The following GALNT17 variants were observed in gnomAD, a reference collection of about 807,000 sequenced individuals.
GALNT17 encodes the protein polypeptide N-acetylgalactosaminyltransferase 17, also known as UDP-GalNAc:polypeptide N-acetylgalactosaminyltransferase-like 3.
A neutral mutation model predicts 63.7 loss-of-function variants in GALNT17; 29 were observed. The ratio of observed to expected loss-of-function variants is 0.46; its 90% confidence interval spans 0.34 to 0.62. The LOEUF (loss-of-function observed/expected upper bound fraction) is 0.62. GALNT17 is among the 20% of genes least tolerant of loss of function. The pLI is 0.01. For synonymous variants in GALNT17, 305 were observed against 318.3 expected (o/e 0.96, Z 0.45); for missense variants, 603 against 799.6 (o/e 0.75, Z 2.97).
intron 1 of GALNT17, among the ~76,000 whole-genome samples, chr7:71,167,864 T>G (rs537223108): frequency 1.9e-4 from 29 of 152,052 alleles, no homozygotes; most frequent in African/African-American, 6.5e-4. Flanking sequence ...TAATTTTTGT[T>G]TTTCCGTGTT....
rs770747325 is a variant in GALNT17 at position 71,571,288 on chromosome 7, C to A, written c.966C>A (p.Thr322=). ...CCCTTCTTTCTCCCTCCCTCAGGAC[C>A]CCAGCCATGATAGGCTGCTCGTTCG... ...DAGDPSLPIR[T]PAMIGCSFVV... is the part of the protein sequence containing the mutation. The change falls in exon 6 of 11, where the codon ACC becomes ACA. Residue 322 remains threonine, a synonymous_variant. Coordinates refer to ENST00000333538, the MANE Select transcript of GALNT17 (RefSeq NM_022479.3). The A allele has an allele frequency of 7.4e-6, 12 of 1,613,794 alleles. No homozygotes were observed. The highest frequency in any genetic ancestry group is 9.3e-6 in the Non-Finnish European group (11 of 1,179,840).
At chr7:71,688,406 T>C (rs1228582252) in intron 9 of GALNT17, among the ~76,000 whole-genome samples, 1 of 152,150 alleles carries the variant, frequency 6.6e-6, no homozygotes, top group African/African-American at 2.4e-5. Flanking sequence ...TTTGCAGACC[T>C]CCATGCAATG....
intron 6 of GALNT17, among the ~76,000 whole-genome samples, chr7:71,603,070 T>C (rs1196670091): frequency 6.6e-6 from 1 of 152,124 alleles, no homozygotes; most frequent in Non-Finnish European, 1.5e-5. Flanking sequence ...GATACTATGC[T>C]AAGTGCATAC....
chr7:71,143,282 T>C (rs142979114), intron 1 of GALNT17, among the ~76,000 whole-genome samples: 6,878 of 150,132 alleles, frequency 0.046, 518 homozygotes, highest in African/African-American at 0.15. Flanking sequence ...ATTAGCCGGG[T>C]GTGGTGGCGG....
rs570203324 is a variant in GALNT17, at chr7:71,484,216, G to A, written c.962+63111G>A. ...AAGTATTATATACCGGGCCAGATGC[G>A]GTGGCTCATGCCTATAATCCCAACA... On this transcript the variant is annotated intron_variant, in intron 5 of 10. Transcript: ENST00000333538. Among the ~76,000 whole-genome samples, 38 of 152,254 alleles carry A rather than the reference G, an allele frequency of 2.5e-4. No individual in the cohort carries two copies. In the South Asian group the frequency reaches 5.6e-3, roughly 22 times the overall value.
At chr7:71,324,029 C>T (rs1583861630) in intron 1 of GALNT17, among the ~76,000 whole-genome samples, 1 of 152,108 alleles carries the variant, frequency 6.6e-6, no homozygotes. Context: ...GGCAGTGGTC[C>T]TGAAGGGCAG....
intron 6 of GALNT17, among the ~76,000 whole-genome samples, chr7:71,595,189 G>C (rs944707552): frequency 2.0e-5 from 3 of 152,134 alleles, no homozygotes; most frequent in Non-Finnish European, 4.4e-5. Flanking sequence ...TAGGAAGCCG[G>C]GACCTGAGAA....
rs142834242 is a variant in GALNT17 at position 71,443,350 on chromosome 7, A to G, written c.962+22245A>G. Among the ~76,000 whole-genome samples, 153 of 152,094 alleles carry G rather than the reference A, an allele frequency of 1.0e-3. 1 individual carries two copies. The highest frequency in any genetic ancestry group is 3.4e-3 in the African/African-American group (140 of 41,504). ...CGCACTGTTTCTCTGTAGAGTTAGG[A>G]TATTTGTCGCTTCCGAATCTCATGC... On this transcript the variant is annotated intron_variant, in intron 5 of 10. Transcript: ENST00000333538.
At chr7:71,166,484 G>A (rs941955895) in intron 1 of GALNT17, among the ~76,000 whole-genome samples, 17 of 152,094 alleles carry the variant, frequency 1.1e-4, no homozygotes, top group Non-Finnish European at 2.2e-4. Flanking sequence ...ACTGTGCCTC[G>A]ACTCATCCGT....
intron 1 of GALNT17, among the ~76,000 whole-genome samples, chr7:71,217,606 A>G (rs1789508764): frequency 1.3e-5 from 2 of 151,946 alleles, no homozygotes; most frequent in Admixed American, 1.3e-4. Context: ...TTAAAGAAGT[A>G]CCTAAGTCAT....
At chr7:71,171,467 C>T (rs143450664) in intron 1 of GALNT17, among the ~76,000 whole-genome samples, 190 of 152,342 alleles carry the variant, frequency 1.2e-3, no homozygotes, top group African/African-American at 4.4e-3. Flanking sequence ...CACCACTGCA[C>T]TCTAGCCTGG....
chr7:71,696,121 G>A (rs2117103796), intron 9 of GALNT17, among the ~76,000 whole-genome samples: 1 of 152,156 alleles, frequency 6.6e-6, no homozygotes, highest in Admixed American at 6.6e-5. Context: ...CTTTTTTGGT[G>A]TTTGTTTTAG....
intron 1 of GALNT17, among the ~76,000 whole-genome samples, chr7:71,332,867 T>G (rs1334349722): frequency 6.6e-6 from 1 of 152,050 alleles, no homozygotes; most frequent in African/African-American, 2.4e-5. Flanking sequence ...AATTGTATTT[T>G]TAGTAGAGAC....
At chr7:71,515,523 G>A (rs1487663985) in intron 5 of GALNT17, among the ~76,000 whole-genome samples, 1 of 152,162 alleles carries the variant, frequency 6.6e-6, no homozygotes, top group African/African-American at 2.4e-5. Flanking sequence ...GTCTTTCGAG[G>A]TTGGGCTTCT....
At chr7:71,248,127 C>G (rs967791557) in intron 1 of GALNT17, among the ~76,000 whole-genome samples, 1 of 152,142 alleles carries the variant, frequency 6.6e-6, no homozygotes, top group Non-Finnish European at 1.5e-5. Context: ...AGGAAACTTA[C>G]AATCATGGTG....
At chr7:71,207,474 T>TA (rs1319793546) in intron 1 of GALNT17, among the ~76,000 whole-genome samples, 1 of 152,166 alleles carries the variant, frequency 6.6e-6, no homozygotes, top group African/African-American at 2.4e-5. Context: ...GGGAGGAAGA[T>TA]ACCGTATTTC....
intron 9 of GALNT17, among the ~76,000 whole-genome samples, chr7:71,689,249 T>A (rs1284230910): frequency 6.6e-6 from 1 of 152,060 alleles, no homozygotes; most frequent in African/African-American, 2.4e-5. Flanking sequence ...TATAATGGCC[T>A]CTAAAAGCTT....
intron 9 of GALNT17, among the ~76,000 whole-genome samples, chr7:71,699,171 CA>C (rs59124269): frequency 0.14 from 10,843 of 75,650 alleles, 233 homozygotes; most frequent in Middle Eastern, 0.2. Context: ...GACTCCATCT[CA>C]AAAAAAAAAA....
At chr7:71,511,443 A>G (rs1258842677) in intron 5 of GALNT17, among the ~76,000 whole-genome samples, 1 of 152,120 alleles carries the variant, frequency 6.6e-6, no homozygotes, top group Non-Finnish European at 1.5e-5. Context: ...CCTTTTGAAG[A>G]CTTTCACGCA....
Sources: gnomAD v4.1 joint callset for allele counts (sites outside exome capture counted in the v4.1 genomes callset) on GRCh38, gnomAD v4.1.1 for gene constraint, MANE v1.5 for transcripts, NCBI Gene and HGNC (gene_info 2026-07-23, HGNC 2026-07-21) for gene names.